Variants in CA10 observed in about 807,000 individuals in gnomAD.
CA10 encodes carbonic anhydrase-related protein 10.
A neutral mutation model predicts 44.2 loss-of-function variants in CA10; 14 were observed. That is an observed-to-expected ratio of 0.32 (90% CI 0.21 to 0.50). The LOEUF (loss-of-function observed/expected upper bound fraction) is 0.50, where lower values mean the gene tolerates loss of function less well. CA10 is among the 20% of genes least tolerant of loss of function. The probability of loss-of-function intolerance (pLI) is 0.99; values close to 1 mark genes in which losing one functional copy is unlikely to be tolerated. For synonymous variants in CA10, 159 were observed against 141.6 expected, an observed-to-expected ratio of 1.12 and a Z score of -0.87; for missense variants, 350 against 409.7, an observed-to-expected ratio of 0.85 and a Z score of 1.26.
intron 3 of CA10, among the ~76,000 whole-genome samples, chr17:51,856,454 G>C (rs907870018): frequency 2.6e-5 from 4 of 152,038 alleles, no homozygotes; most frequent in Admixed American, 2.6e-4. Flanking sequence ...AATATAAAAG[G>C]ACAGATAGTT....
At chr17:51,988,265 A>G (rs1984915914) in intron 2 of CA10, among the ~76,000 whole-genome samples, 1 of 152,002 alleles carries the variant, frequency 6.6e-6, no homozygotes, top group African/African-American at 2.4e-5. Flanking sequence ...TTTTAGACAC[A>G]AACTTTGAGA....
chr17:52,112,894 T>C (rs1988816131), intron 1 of CA10, among the ~76,000 whole-genome samples: 1 of 152,166 alleles, frequency 6.6e-6, no homozygotes, highest in African/African-American at 2.4e-5. Context: ...ACTTTCTAGG[T>C]ATTCTAGTTA....
rs537627271 is a variant in CA10 at position 51,920,976 on chromosome 17, T to C, written c.279+10014A>G. Among the ~76,000 whole-genome samples the C allele has an allele frequency of 1.5e-4, 23 of 152,306 alleles. No homozygotes were observed. In the South Asian group the frequency reaches 4.4e-3, roughly 29 times the overall value. On this transcript the variant is annotated intron_variant, in intron 3 of 8. Coordinates refer to ENST00000451037, the MANE Select transcript of CA10 (RefSeq NM_020178.5). Reference sequence around the variant, plus strand: ...CATTCCAGCTACTCAGAGTACAATATACCAAAGGAGAGAGCCTGTATCCAA... The same window carrying C: ...CATTCCAGCTACTCAGAGTACAATACACCAAAGGAGAGAGCCTGTATCCAA...
chr17:51,999,334 A>T (rs1985343473), intron 2 of CA10, among the ~76,000 whole-genome samples: 1 of 151,980 alleles, frequency 6.6e-6, no homozygotes, highest in Non-Finnish European at 1.5e-5. Flanking sequence ...AAAATGAAGG[A>T]TATGTGTTGC....
At chr17:52,108,152 G>T (rs1344368977) in intron 1 of CA10, among the ~76,000 whole-genome samples, 1 of 143,190 alleles carries the variant, frequency 7.0e-6, no homozygotes, top group Non-Finnish European at 1.5e-5. Flanking sequence ...TCAATATTAG[G>T]TGTATATATA....
intron 4 of CA10, among the ~76,000 whole-genome samples, chr17:51,743,158 C>G (rs1402060810): frequency 6.6e-6 from 1 of 152,198 alleles, no homozygotes; most frequent in Non-Finnish European, 1.5e-5. Flanking sequence ...GTGTACCCTT[C>G]TGCCCCCTTG....
At chr17:51,731,795 A>T (rs760909696) in intron 4 of CA10, among the ~76,000 whole-genome samples, 20 of 151,878 alleles carry the variant, frequency 1.3e-4, no homozygotes, top group Non-Finnish European at 4.4e-5. Context: ...CTTGTGCCTC[A>T]GCCTCCCGAG....
rs564152801 is a variant in CA10, at chr17:51,978,618, A to G, written c.137-47486T>C. Among the ~76,000 whole-genome samples, 65 of 152,240 alleles carry G rather than the reference A, an allele frequency of 4.3e-4. 3 individuals carry two copies. The highest frequency in any genetic ancestry group is 1.5e-3 in the African/African-American group (64 of 41,560). On this transcript the variant is annotated intron_variant, in intron 2 of 8. Coordinates refer to ENST00000451037, the MANE Select transcript of CA10 (RefSeq NM_020178.5). ...TGTACAAAAAGATCTTTTTGGTCTT[A>G]AGGTAGGCAATAATATCTGAGGCAG...
chr17:51,672,940 G>A (rs1027390046), intron 4 of CA10, among the ~76,000 whole-genome samples: 3 of 152,164 alleles, frequency 2.0e-5, no homozygotes, highest in African/African-American at 7.2e-5. Flanking sequence ...GGGAGACTTG[G>A]AAGAACTCCA....
chr17:51,835,402 C>T (rs1908440316), intron 3 of CA10, among the ~76,000 whole-genome samples: 1 of 152,168 alleles, frequency 6.6e-6, no homozygotes, highest in Admixed American at 6.5e-5. Context: ...GGCACTTCAG[C>T]GGTGGAACTG....
chr17:51,947,260 G>C (rs867308810), intron 2 of CA10, among the ~76,000 whole-genome samples: 38 of 129,530 alleles, frequency 2.9e-4, no homozygotes, highest in African/African-American at 9.5e-4. Context: ...CAAAAACCTT[G>C]TCTAGACTTT....
chr17:51,759,292 T>C (rs62061834), intron 3 of CA10, among the ~76,000 whole-genome samples: 5,529 of 151,800 alleles, frequency 0.036, 150 homozygotes, highest in Non-Finnish European at 0.056. Flanking sequence ...CTTTCATGAG[T>C]TGGGGGCTCA....
intron 2 of CA10, among the ~76,000 whole-genome samples, chr17:51,983,021 A>C (rs1984704275): frequency 6.6e-6 from 1 of 151,884 alleles, no homozygotes; most frequent in Admixed American, 6.6e-5. Context: ...CCTCTACAGT[A>C]ATATTGCTTT....
rs149272437 is a variant in CA10 at position 51,991,139 on chromosome 17, G to A, written c.137-60007C>T. On this transcript the variant is annotated intron_variant, in intron 2 of 8. Transcript: ENST00000451037. ...TTGGCATTTTGACTTATCACCTAGGGTTTCTGACAGCAATGAGAAAAATGA... is the reference window on the plus strand; with the variant it reads ...TTGGCATTTTGACTTATCACCTAGGATTTCTGACAGCAATGAGAAAAATGA... Among the ~76,000 whole-genome samples the A allele has an allele frequency of 4.3e-4, 65 of 152,164 alleles. No homozygotes were observed. In the Middle Eastern group the frequency reaches 0.014, roughly 32 times the overall value.
At chr17:51,713,654 C>T (rs558312478) in intron 4 of CA10, among the ~76,000 whole-genome samples, 1 of 152,258 alleles carries the variant, frequency 6.6e-6, no homozygotes, top group African/African-American at 2.4e-5. Context: ...ATTTATTTAT[C>T]CCTCTTCCCT....
chr17:52,123,365 A>G, intron 1 of CA10, among the ~76,000 whole-genome samples: 1 of 74,682 alleles, frequency 1.3e-5, no homozygotes, highest in Non-Finnish European at 2.4e-5. Flanking sequence ...GTGTGTATAT[A>G]TATGGGGTGT....
chr17:51,871,356 C>T (rs1367142246), intron 3 of CA10, among the ~76,000 whole-genome samples: 7 of 150,316 alleles, frequency 4.7e-5, no homozygotes, highest in East Asian at 2.0e-4. Context: ...CTCAGCCTCC[C>T]GAATAGCTGG....
chr17:51,756,118 A>C (rs1905069185), intron 3 of CA10, among the ~76,000 whole-genome samples: 1 of 151,510 alleles, frequency 6.6e-6, no homozygotes, highest in African/African-American at 2.4e-5. Context: ...ATTTTCTTTT[A>C]CTATAACTAT....
chr17:51,915,530 C>T (rs1360841656), intron 3 of CA10, among the ~76,000 whole-genome samples: 1 of 152,186 alleles, frequency 6.6e-6, no homozygotes, highest in African/African-American at 2.4e-5. Flanking sequence ...CAGAGGCCAA[C>T]AACACAGAAC....
Sources: allele counts gnomAD v4.1 joint callset (sites outside exome capture counted in the v4.1 genomes callset), GRCh38; gene constraint gnomAD v4.1.1; transcripts MANE v1.5; gene names NCBI Gene and HGNC (gene_info 2026-07-23, HGNC 2026-07-21).